CDV3: variants seen among roughly 807,000 people sequenced by gnomAD.
CDV3 encodes protein CDV3 homolog.
A neutral mutation model predicts 24.5 loss-of-function variants in CDV3; 14 were observed. The ratio of observed to expected loss-of-function variants is 0.57; its 90% confidence interval spans 0.38 to 0.89. The LOEUF (loss-of-function observed/expected upper bound fraction) is 0.89, where lower values mean the gene tolerates loss of function less well. CDV3 is among the 40% of genes least tolerant of loss of function. The pLI, the probability that CDV3 is intolerant of heterozygous loss-of-function variation, is 0.00. For synonymous variants in CDV3, 114 were observed against 114.1 expected (o/e 1.00, Z 0.00); for missense variants, 304 against 310.2 (o/e 0.98, Z 0.15).
At position 133,574,035 on chromosome 3, in the gene CDV3, G is replaced by C; in HGVS notation, c.-10G>C. 8.6e-7 allele frequency: 1 copy of C among 1,167,364 alleles called. No individual in the cohort carries two copies. The highest frequency in any genetic ancestry group is 1.9e-5 in the South Asian group (1 of 53,764). 72.3% of individuals were successfully genotyped at this position (1,167,364 alleles called of 1,614,324 possible). ...CGGCCCCACCCATCCGGGTCGAGGA[G>C]GCCGAGGCCATGGCTGAGACGGAGG... On this transcript the variant is annotated 5_prime_UTR_variant, in exon 1 of 5. Coordinates refer to ENST00000264993, the MANE Select transcript of CDV3 (RefSeq NM_017548.5).
At chr3:133,586,474 T>C in intron 3 of CDV3, 89 bp from the exon 4 acceptor site, 1 of 705,890 alleles carries the variant, frequency 1.4e-6, no homozygotes, top group South Asian at 1.9e-5. Context: ...GTTTTTTCTA[T>C]AATTGTTAAA....
At chr3:133,584,990 A>G (rs967275550) in intron 3 of CDV3, among the ~76,000 whole-genome samples, 3 of 152,214 alleles carry the variant, frequency 2.0e-5, no homozygotes, top group African/African-American at 7.2e-5. Context: ...AGAATGTTAT[A>G]AAGAATAACA....
chr3:133,587,613 A>G, intron 4 of CDV3: 1 of 1,149,604 alleles, frequency 8.7e-7, no homozygotes, highest in Non-Finnish European at 1.1e-6. Context: ...GAGGAATGTC[A>G]TTACACAGCT....
chr3:133,583,982 T>G lies in CDV3; in HGVS notation c.318-20T>G. Reference sequence around the variant, plus strand: ...TTTTCTTGGTGATTCCTTAATGAATTTACATCTTTGCTTTTCCAGCAGTGA... The same window carrying G: ...TTTTCTTGGTGATTCCTTAATGAATGTACATCTTTGCTTTTCCAGCAGTGA... On this transcript the variant is annotated intron_variant, in intron 2 of 4. Coordinates refer to ENST00000264993, the MANE Select transcript of CDV3 (RefSeq NM_017548.5). 2.5e-6 allele frequency: 4 copies of G among 1,581,868 alleles called. No homozygotes were observed. The highest frequency in any genetic ancestry group is 3.4e-6 in the Non-Finnish European group (4 of 1,164,858).
intron 1 of CDV3, 96 bp from the exon 2 acceptor site, chr3:133,574,943 G>T: frequency 2.4e-6 from 2 of 848,812 alleles, no homozygotes; most frequent in Non-Finnish European, 3.9e-6. Context: ...ACTTAGTTTA[G>T]GTTCCAGCCA....
At chr3:133,587,089 C>T (rs1933681763) in intron 4 of CDV3, 1 of 759,570 alleles carries the variant, frequency 1.3e-6, no homozygotes, top group Non-Finnish European at 2.0e-6. Flanking sequence ...AATTGTATTC[C>T]CAGTTAATGT....
At chr3:133,586,164 C>T (rs1221831505) in intron 3 of CDV3, among the ~76,000 whole-genome samples, 2 of 152,084 alleles carry the variant, frequency 1.3e-5, no homozygotes, top group Non-Finnish European at 2.9e-5. Flanking sequence ...GGCTCAATAT[C>T]GGCTCACTGC....
chr3:133,588,119 G>C lies in CDV3; in HGVS notation c.*73G>C, dbSNP rs1933799423. 1.3e-6 allele frequency: 2 copies of C among 1,578,844 alleles called. No individual in the cohort carries two copies. Among genetic ancestry groups the C allele is most frequent in the South Asian group, 2.4e-5 (2 of 84,778 alleles). On this transcript the variant is annotated 3_prime_UTR_variant, in exon 5 of 5. Transcript: ENST00000264993. ...CACCACCAACAGCCATTCATCATCT[G>C]ATCTCTGCTGGATCTACAGACACCG...
chr3:133,580,738 G>A (rs1468141983), intron 2 of CDV3, among the ~76,000 whole-genome samples: 4 of 151,904 alleles, frequency 2.6e-5, no homozygotes, highest in African/African-American at 9.7e-5. Flanking sequence ...TCACTGTGTT[G>A]CTATATTGCT....
Position 133,574,262 on chromosome 3 carries a change from C to A in CDV3, c.218C>A (p.Ala73Asp). The change falls in exon 1 of 5, where the codon GCC (alanine) becomes GAC (aspartate). Residue 73 changes from alanine (A) to aspartate (D), a missense_variant. By Grantham distance (126) the Ala-to-Asp change is moderately radical. Transcript: ENST00000264993. ...TASAGAAGPG[A>D]ATKAVTKDED... The stretch of plus-strand genomic sequence containing the variant: ...AGCGCGGGGGCTGCGGGCCCAGGGG[C>A]CGCCACCAAGGCTGTGACGAAGGTG... 1.0e-6 allele frequency: 1 copy of A among 988,386 alleles called. No homozygotes were observed. The highest frequency in any genetic ancestry group is 1.2e-6 in the Non-Finnish European group (1 of 832,342). 61.2% of individuals were successfully genotyped at this position (988,386 alleles called of 1,614,324 possible).
chr3:133,582,433 G>A (rs945441601), intron 2 of CDV3, among the ~76,000 whole-genome samples: 2 of 152,264 alleles, frequency 1.3e-5, no homozygotes, highest in Admixed American at 1.3e-4. Flanking sequence ...TTACAGTTGT[G>A]AGCCACTGCG....
chr3:133,574,455 G>A, intron 1 of CDV3, 171 bp downstream of exon 1: 1 of 986,456 alleles, frequency 1.0e-6, no homozygotes, highest in Non-Finnish European at 1.2e-6. Flanking sequence ...GCCAGGGCCG[G>A]GACCCCTTCC....
rs772750382 is a variant in CDV3, at chr3:133,586,651, A to G, written c.555A>G (p.Gly185=). Reference sequence around the variant, plus strand: ...CCACAACAAGGAAAACACCACAAGGACCACCAGAAATCTACAGTGATACAC... The same window carrying G: ...CCACAACAAGGAAAACACCACAAGGGCCACCAGAAATCTACAGTGATACAC... ...RLTTTRKTPQ[G]PPEIYSDTQF... is the part of the protein sequence containing the mutation. Residue 185 remains glycine, a synonymous_variant, in exon 4 of 5, where the codon GGA becomes GGG. Transcript: ENST00000264993. The G allele has an allele frequency of 1.9e-6, 3 of 1,596,846 alleles. No individual in the cohort carries two copies. Among genetic ancestry groups the G allele is most frequent in the Admixed American group, 3.3e-5 (2 of 60,006 alleles).
intron 2 of CDV3, among the ~76,000 whole-genome samples, chr3:133,576,840 G>GTTTTTTTTTTTTTT (rs1378596698): frequency 7.7e-5 from 2 of 26,050 alleles, no homozygotes; most frequent in South Asian, 8.5e-4. Context: ...AGGTAGACTA[G>GTTTTTTTTTTTTTT]CTTTTTTTTT....
rs79272681 is a variant in CDV3 at position 133,578,604 on chromosome 3, C to T, written c.317+3489C>T. On this transcript the variant is annotated intron_variant, in intron 2 of 4. Transcript: ENST00000264993. The stretch of plus-strand genomic sequence containing the variant: ...GCTCTGGGGCAGAGGAGAGACATTT[C>T]ATCATCCATGAAGGGGTCAGGAAAG... 2.0e-5 allele frequency among the ~76,000 whole-genome samples: 3 copies of T among 152,204 alleles called. No homozygotes were observed. The East Asian group carries it at 5.8e-4, about 29-fold the overall frequency.
intron 3 of CDV3, 68 bp from the exon 4 acceptor site, chr3:133,586,495 T>G (rs1167683496): frequency 3.7e-6 from 3 of 801,106 alleles, no homozygotes; most frequent in Non-Finnish European, 6.2e-6. Flanking sequence ...TGATTGGGAA[T>G]GCAAGAATAG....
intron 2 of CDV3, among the ~76,000 whole-genome samples, chr3:133,575,773 T>C (rs2074782212): frequency 6.6e-6 from 1 of 152,208 alleles, no homozygotes; most frequent in South Asian, 2.1e-4. Context: ...AAAAATTGGG[T>C]AGTTTAGAAG....
Position 133,583,887 on chromosome 3 carries a change from C to T in CDV3, c.318-115C>T, listed in dbSNP as rs1452575269. ...TCACTTTTTAAATAAGACGTTCAGTCTCGAAAGAGATTGACTTCTTCAGGG... is the reference window on the plus strand; with the variant it reads ...TCACTTTTTAAATAAGACGTTCAGTTTCGAAAGAGATTGACTTCTTCAGGG... On this transcript the variant is annotated intron_variant, in intron 2 of 4. Coordinates refer to ENST00000264993, the MANE Select transcript of CDV3 (RefSeq NM_017548.5). 1.3e-5 allele frequency: 9 copies of T among 716,854 alleles called. 1 individual carries two copies. Among genetic ancestry groups the T allele is most frequent in the Non-Finnish European group, 1.8e-5 (8 of 435,006 alleles). 44.4% of individuals were successfully genotyped at this position (716,854 alleles called of 1,614,324 possible).
Position 133,589,877 on chromosome 3 carries a change from A to G in CDV3, c.*1831A>G, listed in dbSNP as rs1933946574. On this transcript the variant is annotated 3_prime_UTR_variant, in exon 5 of 5. Coordinates refer to ENST00000264993, the MANE Select transcript of CDV3 (RefSeq NM_017548.5). ...TTAAATCAGAAATGGGATTCTTGGT[A>G]AACTGAAGACTTTTATTTGGGAATG... 6.6e-6 allele frequency: 1 copy of G among 152,230 alleles called. No homozygotes were observed. The highest frequency in any genetic ancestry group is 1.5e-5 in the Non-Finnish European group (1 of 68,040). The allele number at this position is 152,230 out of a possible 1,614,324, so 9.4% of individuals were successfully genotyped here.
Sources: allele counts gnomAD v4.1 joint callset (sites outside exome capture counted in the v4.1 genomes callset), GRCh38; gene constraint gnomAD v4.1.1; transcripts MANE v1.5; gene names NCBI Gene and HGNC (gene_info 2026-07-23, HGNC 2026-07-21).